Variants in FHIP1A observed in about 807,000 individuals in gnomAD.
FHIP1A encodes FHF complex subunit HOOK-interacting protein 1A.
Under a neutral mutation model 88.6 loss-of-function variants are expected in FHIP1A, and 61 were observed. The observed-to-expected ratio is 0.69, with a 90% confidence interval of 0.56 to 0.85. FHIP1A has a LOEUF of 0.85. Ranked by LOEUF, FHIP1A falls within the 40% of genes least tolerant of loss-of-function variation. The probability of loss-of-function intolerance (pLI) is 0.00; values close to 1 mark genes in which losing one functional copy is unlikely to be tolerated. For missense variants in FHIP1A, 1,154 were observed against 1,273.5 expected (o/e 0.91, Z 1.43); for synonymous variants, 478 against 496.0 (o/e 0.96, Z 0.48).
At chr4:151,498,782 C>CTCCA (rs1349524318) in intron 3 of FHIP1A, among the ~76,000 whole-genome samples, 2 of 152,164 alleles carry the variant, frequency 1.3e-5, no homozygotes, top group Non-Finnish European at 2.9e-5. Flanking sequence ...CGCCACTGCC[C>CTCCA]TCCAGCCTGG....
intron 3 of FHIP1A, among the ~76,000 whole-genome samples, chr4:151,546,430 G>A (rs1471114659): frequency 1.3e-5 from 2 of 152,190 alleles, no homozygotes; most frequent in Non-Finnish European, 1.5e-5. Context: ...ATAATTGCGT[G>A]AGCTAAGTCC....
chr4:151,546,354 A>C (rs1732503133), intron 3 of FHIP1A, among the ~76,000 whole-genome samples: 1 of 152,158 alleles, frequency 6.6e-6, no homozygotes, highest in East Asian at 1.9e-4. Context: ...ACTTGGACTG[A>C]GCCACACTAC....
chr4:151,557,545 G>A (rs1027682284), intron 3 of FHIP1A, among the ~76,000 whole-genome samples: 5 of 152,192 alleles, frequency 3.3e-5, no homozygotes, highest in Non-Finnish European at 7.3e-5. Context: ...CACTCTAGAG[G>A]AAAGTGTAGA....
intron 3 of FHIP1A, among the ~76,000 whole-genome samples, chr4:151,482,932 T>A (rs1339457996): frequency 2.0e-5 from 3 of 152,136 alleles, no homozygotes; most frequent in Non-Finnish European, 4.4e-5. Flanking sequence ...TAGGAAATAG[T>A]CTAAACTCAT....
At position 151,411,141 on chromosome 4, in the gene FHIP1A, TAGTC is replaced by T. The variant is rs1361590096; in HGVS notation, c.-356+1679_-356+1682del. On this transcript the variant is annotated intron_variant, in intron 1 of 13. Coordinates refer to ENST00000435205, the MANE Select transcript of FHIP1A (RefSeq NM_001109977.3). Reference sequence around the variant, plus strand: ...ATAAAAGGAGTGTTTTATTTTTACATAGTCAGAGTGATGCATTGCTGGACAGTTC... The same window carrying T: ...ATAAAAGGAGTGTTTTATTTTTACATAGAGTGATGCATTGCTGGACAGTTC... Among the ~76,000 whole-genome samples the T allele has an allele frequency of 3.3e-5, 5 of 152,196 alleles. 1 individual carries two copies. In the South Asian group the frequency reaches 8.3e-4, roughly 25 times the overall value.
chr4:151,435,727 G>A (rs559673129), intron 1 of FHIP1A, among the ~76,000 whole-genome samples: 11 of 150,704 alleles, frequency 7.3e-5, no homozygotes, highest in African/African-American at 2.7e-4. Context: ...TGAGGTTACA[G>A]TGAGCCGAGA....
At position 151,496,261 on chromosome 4, in the gene FHIP1A, A is replaced by T. The variant is rs199998650; in HGVS notation, c.-123+13613A>T. ...TATATATATATTTTTATATATATAT[A>T]TTTTTTCTTTCTTTCTGTGGCATTT... On this transcript the variant is annotated intron_variant, in intron 3 of 13. Coordinates refer to ENST00000435205, the MANE Select transcript of FHIP1A (RefSeq NM_001109977.3). Among the ~76,000 whole-genome samples the T allele has an allele frequency of 6.0e-4, 90 of 149,696 alleles. 1 individual carries two copies. The East Asian group carries it at 9.7e-3, about 16-fold the overall frequency.
At chr4:151,417,191 A>G (rs1732928795) in intron 1 of FHIP1A, among the ~76,000 whole-genome samples, 1 of 152,204 alleles carries the variant, frequency 6.6e-6, no homozygotes, top group Non-Finnish European at 1.5e-5. Context: ...ACAGGGTGGG[A>G]GCAGGCCCGA....
chr4:151,453,237 A>G (rs1321951390), intron 1 of FHIP1A, among the ~76,000 whole-genome samples: 1 of 152,092 alleles, frequency 6.6e-6, no homozygotes, highest in Non-Finnish European at 1.5e-5. Flanking sequence ...GCTGATCTCA[A>G]TCTCCTGACC....
At chr4:151,530,339 G>A (rs751951404) in intron 3 of FHIP1A, among the ~76,000 whole-genome samples, 3 of 152,118 alleles carry the variant, frequency 2.0e-5, no homozygotes, top group Non-Finnish European at 4.4e-5. Flanking sequence ...AGGGCAGTAG[G>A]TAGGCACCTG....
Position 151,664,011 on chromosome 4 carries a change from G to A in FHIP1A, c.*1257G>A, listed in dbSNP as rs1414540221. Among the ~76,000 whole-genome samples, 1 of 152,156 alleles carries A rather than the reference G, an allele frequency of 6.6e-6. No homozygotes were observed. The highest frequency in any genetic ancestry group is 1.5e-5 in the Non-Finnish European group (1 of 68,028). On this transcript the variant is annotated 3_prime_UTR_variant, in exon 14 of 14. Transcript: ENST00000435205. ...CAGCCATGTTAAACCACCACCAAGA[G>A]GGGAAAACAGAATAATTGTGAGCTG...
chr4:151,655,163 A>G (rs1560824828), intron 11 of FHIP1A, among the ~76,000 whole-genome samples: 1 of 152,242 alleles, frequency 6.6e-6, no homozygotes, highest in Non-Finnish European at 1.5e-5. Context: ...CATGGCTTAT[A>G]TATCAAGGGA....
chr4:151,440,711 C>G (rs978089720), intron 1 of FHIP1A, among the ~76,000 whole-genome samples: 1 of 152,128 alleles, frequency 6.6e-6, no homozygotes, highest in African/African-American at 2.4e-5. Flanking sequence ...CTGGGGGTAA[C>G]TGGCCAACTG....
intron 3 of FHIP1A, among the ~76,000 whole-genome samples, chr4:151,517,955 G>C (rs1731307835): frequency 6.6e-6 from 1 of 152,126 alleles, no homozygotes; most frequent in Non-Finnish European, 1.5e-5. Context: ...CAGTAAAAAA[G>C]TTATAGTAAG....
At chr4:151,446,334 C>T (rs571743022) in intron 1 of FHIP1A, among the ~76,000 whole-genome samples, 6 of 152,232 alleles carry the variant, frequency 3.9e-5, no homozygotes, top group African/African-American at 1.4e-4. Context: ...GCTTTCTCTT[C>T]TATAAATTTT....
chr4:151,572,205 T>C (rs1045120404), intron 4 of FHIP1A, among the ~76,000 whole-genome samples: 2 of 152,168 alleles, frequency 1.3e-5, no homozygotes, highest in Admixed American at 6.5e-5. Flanking sequence ...AGACTCCATC[T>C]CAAAAAATAA....
chr4:151,643,593 CCCCTT>C (rs1007576115), intron 9 of FHIP1A, among the ~76,000 whole-genome samples: 29 of 152,110 alleles, frequency 1.9e-4, no homozygotes, highest in African/African-American at 5.8e-4. Context: ...TAACTTCTTC[CCCCTT>C]CCCTTCCCAG....
At chr4:151,525,228 C>G (rs1170072510) in intron 3 of FHIP1A, among the ~76,000 whole-genome samples, 1 of 152,258 alleles carries the variant, frequency 6.6e-6, no homozygotes, top group African/African-American at 2.4e-5. Flanking sequence ...AGAATGCTAG[C>G]TCAGCACCCT....
At chr4:151,538,002 G>C (rs1313078012) in intron 3 of FHIP1A, among the ~76,000 whole-genome samples, 1 of 152,162 alleles carries the variant, frequency 6.6e-6, no homozygotes, top group Non-Finnish European at 1.5e-5. Context: ...ATCCTGACCA[G>C]GAAGGATGGT....
Sources: allele counts gnomAD v4.1 joint callset (sites outside exome capture counted in the v4.1 genomes callset), GRCh38; gene constraint gnomAD v4.1.1; transcripts MANE v1.5; gene names NCBI Gene and HGNC (gene_info 2026-07-23, HGNC 2026-07-21).